CIMAP1D: variants seen among roughly 807,000 people sequenced by gnomAD.
CIMAP1D encodes the protein protein CIMAP1D.
the CIMAP1D span, among the ~76,000 whole-genome samples, chr19:480,712 GA>G: frequency 1.2e-3 from 137 of 112,046 alleles, 6 homozygotes; most frequent in African/African-American, 5.9e-3. Context: ...GATGGAGAAG[GA>G]ATGTGGGAAG....
At chr19:464,738 G>A in the CIMAP1D span, among the ~76,000 whole-genome samples, 19 of 152,178 alleles carry the variant, frequency 1.2e-4, no homozygotes, top group African/African-American at 4.1e-4. Flanking sequence ...ACCAGACTGG[G>A]ATCCCATAAA....
At chr19:490,075 G>A in the CIMAP1D span, 1 of 398,360 alleles carries the variant, frequency 2.5e-6, no homozygotes, top group African/African-American at 2.1e-5. Context: ...ATAAAACAAG[G>A]CCGGGCGCGT....
At chr19:489,748 A>T in the CIMAP1D span, 1 of 336,208 alleles carries the variant, frequency 3.0e-6, no homozygotes, top group South Asian at 1.6e-4. Context: ...GGGGAGAACC[A>T]CCCTCCCAAC....
At chr19:467,366 A>C in the CIMAP1D span, among the ~76,000 whole-genome samples, 1 of 151,934 alleles carries the variant, frequency 6.6e-6, no homozygotes, top group African/African-American at 2.4e-5. Context: ...GATTTGCCAC[A>C]GTCCCCATTC....
At chr19:473,163 A>G in the CIMAP1D span, among the ~76,000 whole-genome samples, 1 of 107,312 alleles carries the variant, frequency 9.3e-6, no homozygotes, top group Admixed American at 1.1e-4. Flanking sequence ...AGATGGGGAG[A>G]CTGAGGCCTG....
chr19:472,753 G>C, the CIMAP1D span: 1 of 510,290 alleles, frequency 2.0e-6, no homozygotes, highest in Non-Finnish European at 3.5e-6. Context: ...GGGAGACTGG[G>C]GCCTGAGCCT....
the CIMAP1D span, chr19:467,853 A>C: frequency 1.3e-6 from 1 of 789,148 alleles, no homozygotes. Flanking sequence ...GCCCCGAGAC[A>C]CTCCCACCAG....
chr19:473,180 C>G, the CIMAP1D span, among the ~76,000 whole-genome samples: 1 of 68,452 alleles, frequency 1.5e-5, no homozygotes, highest in Admixed American at 1.9e-4. Flanking sequence ...CCTGAGCCTC[C>G]CAGAGATACA....
At chr19:487,099 C>A in the CIMAP1D span, among the ~76,000 whole-genome samples, 4 of 152,086 alleles carry the variant, frequency 2.6e-5, no homozygotes, top group African/African-American at 9.7e-5. Flanking sequence ...CATCATGCTG[C>A]CTGCCCCCTT....
chr19:481,881 T>A, the CIMAP1D span, among the ~76,000 whole-genome samples: 2 of 151,194 alleles, frequency 1.3e-5, no homozygotes, highest in Non-Finnish European at 2.9e-5. Context: ...GCTGAAGTGA[T>A]CTTCCCACTT....
At chr19:479,424 G>GGT in the CIMAP1D span, among the ~76,000 whole-genome samples, 1 of 97,138 alleles carries the variant, frequency 1.0e-5, no homozygotes, top group Non-Finnish European at 2.0e-5. Flanking sequence ...GGGGGGGGGG[G>GGT]ATGGAGTTTC....
chr19:468,340 TG>T, the CIMAP1D span, among the ~76,000 whole-genome samples: 1 of 151,830 alleles, frequency 6.6e-6, no homozygotes, highest in Admixed American at 6.6e-5. Context: ...CACTCCAGCC[TG>T]GGCGACGGAG....
chr19:476,251 C>T, the CIMAP1D span, among the ~76,000 whole-genome samples: 2 of 151,962 alleles, frequency 1.3e-5, no homozygotes, highest in Non-Finnish European at 1.5e-5. Flanking sequence ...GACGGGGTTT[C>T]ACCACGTTGG....
At chr19:482,680 C>T in the CIMAP1D span, among the ~76,000 whole-genome samples, 1 of 152,150 alleles carries the variant, frequency 6.6e-6, no homozygotes, top group Non-Finnish European at 1.5e-5. Context: ...CGCCACCCCA[C>T]GAGCTGTTCC....
chr19:463,858 C>A, the CIMAP1D span: 1 of 1,608,936 alleles, frequency 6.2e-7, no homozygotes, highest in Non-Finnish European at 8.5e-7. Flanking sequence ...CAGCAGCGGC[C>A]GGGCAGCCTG....
the CIMAP1D span, among the ~76,000 whole-genome samples, chr19:481,015 T>C: frequency 0.061 from 5,008 of 82,428 alleles, 617 homozygotes; most frequent in African/African-American, 0.26. Flanking sequence ...TGACGGAGAA[T>C]GATGATGGAG....
At chr19:487,471 T>C in the CIMAP1D span, among the ~76,000 whole-genome samples, 1 of 152,202 alleles carries the variant, frequency 6.6e-6, no homozygotes, top group African/African-American at 2.4e-5. Flanking sequence ...TGCTGTCTCC[T>C]TGGCACTTAA....
the CIMAP1D span, among the ~76,000 whole-genome samples, chr19:480,473 G>A: frequency 6.8e-6 from 1 of 146,974 alleles, no homozygotes; most frequent in African/African-American, 2.7e-5. Context: ...TGGGAAGGAT[G>A]ATGGGGAAGG....
the CIMAP1D span, among the ~76,000 whole-genome samples, chr19:484,666 G>A: frequency 6.6e-6 from 1 of 152,220 alleles, no homozygotes; most frequent in Non-Finnish European, 1.5e-5. Context: ...GGGCACCGCT[G>A]TGCAAAGGCC....
Sources: gnomAD v4.1 joint callset for allele counts (sites outside exome capture counted in the v4.1 genomes callset) on GRCh38, gnomAD v4.1.1 for gene constraint, MANE v1.5 for transcripts, NCBI Gene and HGNC (gene_info 2026-07-23, HGNC 2026-07-21) for gene names.